The following KCTD15 variants were observed in gnomAD, a reference collection of about 807,000 sequenced individuals.
The protein encoded by KCTD15 is potassium channel tetramerization domain containing 15.
In KCTD15, 11 loss-of-function variants were observed where a neutral mutation model predicts 27.2. The ratio of observed to expected loss-of-function variants is 0.41; its 90% CI spans 0.25 to 0.67. KCTD15 has a LOEUF of 0.67. Among genes scored for constraint, KCTD15 ranks in the 30% least tolerant of loss-of-function variants. The probability of loss-of-function intolerance (pLI) is 0.35; values close to 1 mark genes in which losing one functional copy is unlikely to be tolerated. For missense variants in KCTD15, 350 were observed against 409.3 expected (o/e 0.86, Z 1.25); for synonymous variants, 163 against 176.0 (o/e 0.93, Z 0.58).
At position 33,811,451 on chromosome 19, in the gene KCTD15, G is replaced by A. The variant is rs753144255; in HGVS notation, c.592G>A (p.Gly198Arg). The change falls in exon 6 of 7, where the codon GGA (glycine) becomes AGA (arginine). Residue 198 changes from glycine (G) to arginine (R), a missense_variant. This residue lies in a region of KCTD15 where 219 missense variants were observed against 234.9 expected (regional missense o/e 0.93). Transcript: ENST00000683859. Reference sequence around the variant, plus strand: ...CATCGAGGAGGTCTTCCCCGAGACCGGAGACGTCATGTGCAACTCCGTCAA... The same window carrying A: ...CATCGAGGAGGTCTTCCCCGAGACCAGAGACGTCATGTGCAACTCCGTCAA... Reference protein sequence around the residue: ...ALIEEVFPETGDVMCNSVNAG... With the variant: ...ALIEEVFPETRDVMCNSVNAG... The A allele has an allele frequency of 2.5e-6, 4 of 1,612,856 alleles. No homozygotes were observed. Among genetic ancestry groups the A allele is most frequent in the Non-Finnish European group, 3.4e-6 (4 of 1,179,838 alleles).
Position 33,813,451 on chromosome 19 carries a change from T to A in KCTD15, c.*503T>A. 1 of 454,720 alleles carries A rather than the reference T, an allele frequency of 2.2e-6. No homozygotes were observed. Among genetic ancestry groups the A allele is most frequent in the South Asian group, 1.6e-5 (1 of 64,084 alleles). The allele number at this position is 454,720 out of a possible 1,614,324, so 28.2% of individuals were successfully genotyped here. A position where few individuals can be genotyped will look rare whatever the true frequency, so the allele number is the denominator to read the frequency against. Reference sequence around the variant, plus strand: ...TCTTTATCTGGTGCTCAGTTCTCAGTCAGACGTGCAGCATGGCTGCAGGGT... The same window carrying A: ...TCTTTATCTGGTGCTCAGTTCTCAGACAGACGTGCAGCATGGCTGCAGGGT... On this transcript the variant is annotated 3_prime_UTR_variant, in exon 7 of 7. Transcript: ENST00000683859.
intron 5 of KCTD15, among the ~76,000 whole-genome samples, chr19:33,809,192 G>A (rs1477588631): frequency 6.6e-6 from 1 of 151,958 alleles, no homozygotes; most frequent in Non-Finnish European, 1.5e-5. Flanking sequence ...CAGGAGAATT[G>A]CTTGAACCCA....
At chr19:33,797,643 C>G (rs1187744710) in intron 1 of KCTD15, among the ~76,000 whole-genome samples, 2 of 152,050 alleles carry the variant, frequency 1.3e-5, no homozygotes, top group East Asian at 2.0e-4. Context: ...CGCGCGCACC[C>G]GGCACACACT....
At chr19:33,812,165 A>C in intron 6 of KCTD15, 3 of 1,173,130 alleles carry the variant, frequency 2.6e-6, no homozygotes, top group Non-Finnish European at 3.2e-6. Context: ...GTCGGTCAGA[A>C]CTTGCTAGTT....
In KCTD15 at chr19:33,814,698, A is replaced by G. The variant is rs1044160846; in HGVS notation, c.*1750A>G. On this transcript the variant is annotated 3_prime_UTR_variant, in exon 7 of 7. Coordinates refer to ENST00000683859, the MANE Select transcript of KCTD15 (RefSeq NM_001129994.2). Reference sequence around the variant, plus strand: ...CGTGAGACCTGCAGTTCACCTAAGCACAGAACGAGATCTCAGTATGCCTCC... The same window carrying G: ...CGTGAGACCTGCAGTTCACCTAAGCGCAGAACGAGATCTCAGTATGCCTCC... 1 of 152,222 alleles carries G rather than the reference A, an allele frequency of 6.6e-6. No homozygotes were observed. Among genetic ancestry groups the G allele is most frequent in the Non-Finnish European group, 1.5e-5 (1 of 68,050 alleles). The allele number at this position is 152,222 out of a possible 1,614,324, so 9.4% of individuals were successfully genotyped here. A position where few individuals can be genotyped will look rare whatever the true frequency, so the allele number is the denominator to read the frequency against.
At chr19:33,797,411 A>C (rs987177220) in intron 1 of KCTD15, 6 of 455,202 alleles carry the variant, frequency 1.3e-5, no homozygotes, top group African/African-American at 1.0e-4. Flanking sequence ...TTCGGGATGC[A>C]CAAGTCCCGG....
At chr19:33,802,896 G>A (rs1036309168) in intron 4 of KCTD15, among the ~76,000 whole-genome samples, 1 of 152,228 alleles carries the variant, frequency 6.6e-6, no homozygotes, top group Non-Finnish European at 1.5e-5. Context: ...CCTGGGGGAG[G>A]CGGGTGGGAG....
Position 33,811,349 on chromosome 19 carries a change from C to G in KCTD15, c.490C>G (p.Arg164Gly). The G allele has an allele frequency of 6.4e-7, 1 of 1,566,846 alleles. No homozygotes were observed. Among genetic ancestry groups the G allele is most frequent in the East Asian group, 2.4e-5 (1 of 41,732 alleles). The stretch of plus-strand genomic sequence containing the variant: ...GGAGCAGGAGCAGCGGCGCCGCAGC[C>G]GGGCCTGTGACTGCCTGGTGGTGCG... ...QQEQEQRRRS[R>G]ACDCLVVRVT... Residue 164 changes from arginine to glycine, a missense_variant, in exon 6 of 7, where the codon CGG becomes GGG. Transcript: ENST00000683859.
Position 33,813,457 on chromosome 19 carries a change from G to T in KCTD15, c.*509G>T, listed in dbSNP as rs957106083. The T allele has an allele frequency of 2.6e-5, 12 of 452,992 alleles. No individual in the cohort carries two copies. Among genetic ancestry groups the T allele is most frequent in the African/African-American group, 2.2e-4 (11 of 50,036 alleles). 28.1% of individuals were successfully genotyped at this position (452,992 alleles called of 1,614,324 possible). On this transcript the variant is annotated 3_prime_UTR_variant, in exon 7 of 7. Coordinates refer to ENST00000683859, the MANE Select transcript of KCTD15 (RefSeq NM_001129994.2). The stretch of plus-strand genomic sequence containing the variant: ...TCTGGTGCTCAGTTCTCAGTCAGAC[G>T]TGCAGCATGGCTGCAGGGTGGACCA...
chr19:33,810,936 A>C lies in KCTD15; in HGVS notation c.388-311A>C, dbSNP rs371225668. ...AGGCATAGGCACAGCCTCGTCCTTT[A>C]GTGGAGCTTCCAGGTCTTTCCATGG... On this transcript the variant is annotated intron_variant, in intron 5 of 6. Coordinates refer to ENST00000683859, the MANE Select transcript of KCTD15 (RefSeq NM_001129994.2). Among the ~76,000 whole-genome samples, 27 of 151,992 alleles carry C rather than the reference A, an allele frequency of 1.8e-4. No individual in the cohort carries two copies. In the South Asian group the frequency reaches 5.4e-3, roughly 30 times the overall value.
chr19:33,800,608 G>A (rs1009697452), intron 3 of KCTD15, 88 bp downstream of exon 3: 29 of 1,204,482 alleles, frequency 2.4e-5, no homozygotes, highest in Non-Finnish European at 3.3e-5. Context: ...TCCTTCCTTG[G>A]GACCATGACA....
intron 4 of KCTD15, among the ~76,000 whole-genome samples, chr19:33,804,340 C>T (rs1162449962): frequency 6.6e-6 from 1 of 152,202 alleles, no homozygotes; most frequent in East Asian, 1.9e-4. Flanking sequence ...AACCTAGAAC[C>T]CATCCAGCCC....
chr19:33,806,996 G>A lies in KCTD15; in HGVS notation c.376G>A (p.Asp126Asn), dbSNP rs760459888. 6.2e-7 allele frequency: 1 copy of A among 1,614,078 alleles called. No homozygotes were observed. Among genetic ancestry groups the A allele is most frequent in the South Asian group, 1.1e-5 (1 of 91,088 alleles). The change falls in exon 5 of 7, where the codon GAT (aspartate) becomes AAT (asparagine). Residue 126 changes from aspartate (D) to asparagine (N), a missense_variant. This residue lies in a region of KCTD15 where 219 missense variants were observed against 234.9 expected (regional missense o/e 0.93). Coordinates refer to ENST00000683859, the MANE Select transcript of KCTD15 (RefSeq NM_001129994.2). The part of the protein sequence containing the change: ...FLRTSKLLLP[D>N]DFKDFSLLYE... ...GCGGACGTCCAAGCTGCTGCTTCCGGATGACTTTAAGGTAAGTCCATGGCT... is the reference window on the plus strand; with the variant it reads ...GCGGACGTCCAAGCTGCTGCTTCCGAATGACTTTAAGGTAAGTCCATGGCT...
chr19:33,794,898 G>A (rs1373089654), upstream of KCTD15, among the ~76,000 whole-genome samples: 1 of 152,236 alleles, frequency 6.6e-6, no homozygotes, highest in African/African-American at 2.4e-5. Context: ...TGGCCAGCGT[G>A]CCGAACGCGC....
At chr19:33,808,995 G>A (rs1415255816) in intron 5 of KCTD15, among the ~76,000 whole-genome samples, 1 of 151,908 alleles carries the variant, frequency 6.6e-6, no homozygotes, top group Non-Finnish European at 1.5e-5. Flanking sequence ...AATTAAAAAA[G>A]GCCGGGTGCG....
intron 5 of KCTD15, among the ~76,000 whole-genome samples, chr19:33,808,508 G>A (rs2145480646): frequency 6.6e-6 from 1 of 152,154 alleles, no homozygotes; most frequent in South Asian, 2.1e-4. Flanking sequence ...TTCCAGAACT[G>A]GAAAGAAGGT....
intron 4 of KCTD15, among the ~76,000 whole-genome samples, chr19:33,803,166 C>G (rs1975611254): frequency 6.6e-6 from 1 of 152,216 alleles, no homozygotes; most frequent in Non-Finnish European, 1.5e-5. Context: ...TGGATGGCCT[C>G]TGGCTGCTGT....
chr19:33,798,973 C>G (rs1975442743), intron 2 of KCTD15, among the ~76,000 whole-genome samples: 2 of 152,216 alleles, frequency 1.3e-5, no homozygotes, highest in South Asian at 4.1e-4. Flanking sequence ...AGCGCGTCTT[C>G]CCTTCTGACT....
chr19:33,797,756 C>T (rs997429926), intron 1 of KCTD15, among the ~76,000 whole-genome samples: 1 of 152,202 alleles, frequency 6.6e-6, no homozygotes, highest in Admixed American at 6.5e-5. Context: ...GTTTTCGCTC[C>T]GTATCTCAAA....
Sources: gnomAD v4.1 joint callset for allele counts (sites outside exome capture counted in the v4.1 genomes callset) on GRCh38, gnomAD v4.1.1 for gene constraint, gnomAD v4.1.1 regional missense constraint, MANE v1.5 for transcripts, NCBI Gene and HGNC (gene_info 2026-07-23, HGNC 2026-07-21) for gene names.